Variants in SPECC1 observed in about 807,000 individuals in gnomAD.
SPECC1 encodes sperm antigen with calponin homology and coiled-coil domains 1.
In SPECC1, 62 loss-of-function variants were observed where a neutral mutation model predicts 104.1. The ratio of observed to expected loss-of-function variants is 0.60; its 90% CI spans 0.49 to 0.74. The LOEUF (loss-of-function observed/expected upper bound fraction) is 0.74, where lower values mean the gene tolerates loss of function less well. Ranked by LOEUF, SPECC1 falls within the 30% of genes least tolerant of loss-of-function variation. SPECC1 has a pLI of 0.00. For synonymous variants in SPECC1, 513 were observed against 501.6 expected (o/e 1.02, Z -0.30); for missense variants, 1,306 against 1,310.5 (o/e 1.00, Z 0.05).
intron 13 of SPECC1, among the ~76,000 whole-genome samples, chr17:20,300,120 G>A (rs181446962): frequency 1.8e-3 from 281 of 152,336 alleles, no homozygotes; most frequent in Non-Finnish European, 3.0e-3. Context: ...GGAATTTAAA[G>A]CCATTAAGAG....
At chr17:20,310,987 C>T (rs778164275) in intron 14 of SPECC1, among the ~76,000 whole-genome samples, 7 of 151,868 alleles carry the variant, frequency 4.6e-5, no homozygotes, top group Admixed American at 3.9e-4. Context: ...GGCTTATGAG[C>T]GGGAAAGGCA....
rs1396351874 is a variant in SPECC1, at chr17:20,296,970, A to G, written c.2950A>G (p.Ile984Val). The change falls in exon 13 of 15, where the codon ATC (isoleucine) becomes GTC (valine). Residue 984 changes from isoleucine to valine, a missense_variant. Physicochemically the swap from Ile to Val is conservative, Grantham distance 29 (BLOSUM62 3). Coordinates refer to ENST00000395527, the MANE Select transcript of SPECC1 (RefSeq NM_001243439.2). ...CTTTTCTCTCCTGCAGAACATTGACATCACCAATTTCAGCAGCAGCTGGAG... is the reference window on the plus strand; with the variant it reads ...CTTTTCTCTCCTGCAGAACATTGACGTCACCAATTTCAGCAGCAGCTGGAG... ...KKTQGYANID[I>V]TNFSSSWSDG... is the part of the protein sequence containing the mutation. The G allele has an allele frequency of 7.4e-6, 12 of 1,614,090 alleles. No individual in the cohort carries two copies. In the South Asian group the frequency reaches 9.9e-5, roughly 13 times the overall value.
intron 12 of SPECC1, among the ~76,000 whole-genome samples, chr17:20,270,297 T>TA (rs200501819): frequency 0.038 from 5,800 of 150,778 alleles, 363 homozygotes; most frequent in African/African-American, 0.13. Flanking sequence ...TAATTTTTTT[T>TA]AAAAAAAACA....
intron 4 of SPECC1, among the ~76,000 whole-genome samples, chr17:20,219,941 C>T (rs2037756268): frequency 6.6e-6 from 1 of 152,060 alleles, no homozygotes; most frequent in Non-Finnish European, 1.5e-5. Flanking sequence ...ACTGTCTTTT[C>T]CTCAATATAT....
intron 1 of SPECC1, among the ~76,000 whole-genome samples, chr17:20,033,819 A>T (rs1171301093): frequency 6.6e-6 from 1 of 152,158 alleles, no homozygotes; most frequent in Non-Finnish European, 1.5e-5. Context: ...CAAACAAACC[A>T]TATCCAAACC....
At chr17:20,213,764 G>A (rs942756297) in intron 4 of SPECC1, among the ~76,000 whole-genome samples, 7 of 152,178 alleles carry the variant, frequency 4.6e-5, no homozygotes, top group African/African-American at 1.7e-4. Context: ...AGGAAGTGAT[G>A]CAGGTAGTTT....
At chr17:20,222,894 C>T (rs1447787399) in intron 4 of SPECC1, among the ~76,000 whole-genome samples, 1 of 151,980 alleles carries the variant, frequency 6.6e-6, no homozygotes, top group African/African-American at 2.4e-5. Flanking sequence ...TATGGCATGC[C>T]TCTCTCTCCC....
At chr17:20,176,318 G>A (rs907500929) in intron 3 of SPECC1, among the ~76,000 whole-genome samples, 10 of 151,858 alleles carry the variant, frequency 6.6e-5, no homozygotes, top group African/African-American at 1.9e-4. Flanking sequence ...TGTCTTCTCC[G>A]CCTCGTTTTC....
intron 14 of SPECC1, among the ~76,000 whole-genome samples, chr17:20,311,065 T>C (rs1209559207): frequency 2.0e-5 from 3 of 151,136 alleles, no homozygotes; most frequent in African/African-American, 7.3e-5. Flanking sequence ...GTGTCTGCCT[T>C]CTGCACATAC....
chr17:20,012,238 T>C (rs566052366), intron 1 of SPECC1, among the ~76,000 whole-genome samples: 15 of 152,266 alleles, frequency 9.9e-5, no homozygotes, highest in African/African-American at 2.6e-4. Flanking sequence ...CTTAGTATAT[T>C]GGGTATACAG....
chr17:20,253,608 A>C (rs1181865160), intron 10 of SPECC1, 22 bp downstream of exon 10: 2 of 1,609,230 alleles, frequency 1.2e-6, no homozygotes, highest in African/African-American at 2.7e-5. Context: ...CAACATAAAG[A>C]ACTTTTGACT....
At chr17:20,079,398 C>A (rs1334096890) in intron 1 of SPECC1, among the ~76,000 whole-genome samples, 1 of 152,144 alleles carries the variant, frequency 6.6e-6, no homozygotes, top group Non-Finnish European at 1.5e-5. Context: ...CTCCTGTGCT[C>A]AAGAGATCTT....
intron 1 of SPECC1, among the ~76,000 whole-genome samples, chr17:20,015,806 G>T (rs2044099878): frequency 1.3e-5 from 2 of 149,478 alleles, no homozygotes; most frequent in Non-Finnish European, 3.0e-5. Context: ...GGATGATCTC[G>T]ATCTCCTGAC....
At chr17:20,163,718 C>A (rs1348344062) in intron 3 of SPECC1, among the ~76,000 whole-genome samples, 1 of 151,926 alleles carries the variant, frequency 6.6e-6, no homozygotes, top group African/African-American at 2.4e-5. Flanking sequence ...ATGTCACCAC[C>A]CCTGGCTAAT....
intron 3 of SPECC1, among the ~76,000 whole-genome samples, chr17:20,173,709 G>A (rs2151191496): frequency 6.6e-6 from 1 of 152,334 alleles, no homozygotes; most frequent in South Asian, 2.1e-4. Context: ...TAAGTGCAAA[G>A]TTGTGTGAAT....
chr17:20,020,570 G>C (rs560795896), intron 1 of SPECC1, among the ~76,000 whole-genome samples: 2 of 152,240 alleles, frequency 1.3e-5, no homozygotes, highest in South Asian at 4.1e-4. Context: ...CTAATCTTGT[G>C]ATCCGCCCGC....
At chr17:20,087,783 A>G (rs1412227246) in intron 1 of SPECC1, among the ~76,000 whole-genome samples, 1 of 152,332 alleles carries the variant, frequency 6.6e-6, no homozygotes, top group South Asian at 2.1e-4. Flanking sequence ...CAGAAAATCA[A>G]TGGCAGATAA....
chr17:20,317,830 CTT>C lies in SPECC1; in HGVS notation c.*3766_*3767del, dbSNP rs2042059108. ...TGGCCTCAGGAGTCCAGGAATAGGC[CTT>C]CTAGCACAGCAGCTAGTAGGGCTCC... On this transcript the variant is annotated 3_prime_UTR_variant, in exon 15 of 15. Coordinates refer to ENST00000395527, the MANE Select transcript of SPECC1 (RefSeq NM_001243439.2). 8.9e-6 allele frequency: 2 copies of C among 225,250 alleles called. No homozygotes were observed. Among genetic ancestry groups the C allele is most frequent in the African/African-American group, 2.2e-5 (1 of 44,844 alleles). 14.0% of individuals were successfully genotyped at this position (225,250 alleles called of 1,614,324 possible). A position where few individuals can be genotyped will look rare whatever the true frequency, so the allele number is the denominator to read the frequency against.
chr17:20,304,725 G>GC (rs2041706727), intron 13 of SPECC1, among the ~76,000 whole-genome samples: 1 of 152,090 alleles, frequency 6.6e-6, no homozygotes, highest in Non-Finnish European at 1.5e-5. Context: ...GTTCTGGAGG[G>GC]CTTGGGGCTG....
Sources: gnomAD v4.1 joint callset for allele counts (sites outside exome capture counted in the v4.1 genomes callset) on GRCh38, gnomAD v4.1.1 for gene constraint, MANE v1.5 for transcripts, NCBI Gene and HGNC (gene_info 2026-07-23, HGNC 2026-07-21) for gene names.